Variants in COP1 observed in about 807,000 individuals in gnomAD.
COP1 encodes the protein E3 ubiquitin-protein ligase COP1.
Under a neutral mutation model 101.3 loss-of-function variants are expected in COP1, and 24 were observed. The ratio of observed to expected loss-of-function variants is 0.24; its 90% confidence interval spans 0.17 to 0.33. The LOEUF (loss-of-function observed/expected upper bound fraction) is 0.33. Ranked by LOEUF, COP1 falls within the 10% of genes least tolerant of loss-of-function variation. COP1 has a pLI of 1.00. For synonymous variants in COP1, 347 were observed against 341.9 expected, an observed-to-expected ratio of 1.01 and a Z score of -0.17; for missense variants, 663 against 906.2, an observed-to-expected ratio of 0.73 and a Z score of 3.45.
intron 18 of COP1, among the ~76,000 whole-genome samples, chr1:175,967,898 C>A: frequency 6.6e-6 from 1 of 151,966 alleles, no homozygotes; most frequent in East Asian, 1.9e-4. Context: ...GATGGAGTCT[C>A]GCACCGTCAC....
At chr1:176,001,539 A>G (rs577105562) in intron 15 of COP1, among the ~76,000 whole-genome samples, 1 of 152,262 alleles carries the variant, frequency 6.6e-6, no homozygotes, top group Non-Finnish European at 1.5e-5. Context: ...ATTTCGTGGC[A>G]AAGTTATCTC....
chr1:175,992,017 T>C (rs773365365), intron 15 of COP1, among the ~76,000 whole-genome samples: 1 of 152,232 alleles, frequency 6.6e-6, no homozygotes, highest in Non-Finnish European at 1.5e-5. Flanking sequence ...TATAGTTATT[T>C]ATTATCTTTA....
intron 18 of COP1, among the ~76,000 whole-genome samples, chr1:175,958,799 C>T (rs970029523): frequency 9.9e-5 from 15 of 151,918 alleles, no homozygotes; most frequent in South Asian, 2.1e-4. Context: ...AAGCAAGAAT[C>T]ATCCTACAGG....
intron 11 of COP1, among the ~76,000 whole-genome samples, chr1:176,074,832 T>C (rs1241839838): frequency 2.6e-5 from 4 of 151,610 alleles, no homozygotes; most frequent in Non-Finnish European, 4.4e-5. Context: ...TATAGTCACA[T>C]AACTACAGGT....
intron 9 of COP1, among the ~76,000 whole-genome samples, chr1:176,114,726 C>T (rs1393209260): frequency 6.6e-6 from 1 of 151,956 alleles, no homozygotes; most frequent in Non-Finnish European, 1.5e-5. Flanking sequence ...TAGCTGAAAC[C>T]ACAAGCACAT....
Position 176,006,887 on chromosome 1 carries a change from C to A in COP1, c.1730-17408G>T, listed in dbSNP as rs577918669. The stretch of plus-strand genomic sequence containing the variant: ...GTTCTCTGTATTTCCTGAATCTGAA[C>A]GTTGGCCTGCCTTGCTAGATTGGGG... On this transcript the variant is annotated intron_variant, in intron 15 of 19. Transcript: ENST00000367669. 1.4e-3 allele frequency among the ~76,000 whole-genome samples: 209 copies of A among 151,524 alleles called. 3 individuals are homozygous for A. The highest frequency in any genetic ancestry group is 4.5e-3 in the African/African-American group (185 of 41,056).
At chr1:176,114,578 CT>C (rs1174451294) in intron 9 of COP1, among the ~76,000 whole-genome samples, 1 of 145,136 alleles carries the variant, frequency 6.9e-6, no homozygotes, top group Non-Finnish European at 1.5e-5. Context: ...TAGGGTAATT[CT>C]TTTTTTTGCG....
chr1:176,129,172 T>A (rs1404696446), intron 8 of COP1, among the ~76,000 whole-genome samples: 1 of 151,862 alleles, frequency 6.6e-6, no homozygotes, highest in African/African-American at 2.4e-5. Flanking sequence ...ATCCTACATA[T>A]ATATTTTTAA....
At chr1:176,184,389 T>A (rs138270969) in intron 2 of COP1, among the ~76,000 whole-genome samples, 1 of 152,152 alleles carries the variant, frequency 6.6e-6, no homozygotes, top group Non-Finnish European at 1.5e-5. Flanking sequence ...TAACAATTAA[T>A]AAACGCAGAA....
At chr1:176,148,415 A>G (rs1350717148) in intron 6 of COP1, among the ~76,000 whole-genome samples, 1 of 151,946 alleles carries the variant, frequency 6.6e-6, no homozygotes, top group African/African-American at 2.4e-5. Context: ...AAAAGTTTTC[A>G]AAGTTATTTT....
intron 11 of COP1, among the ~76,000 whole-genome samples, chr1:176,051,100 TAGA>T (rs1672478692): frequency 6.6e-6 from 1 of 152,172 alleles, no homozygotes; most frequent in African/African-American, 2.4e-5. Flanking sequence ...TTATAATTAG[TAGA>T]AGAGATTACA....
At chr1:176,102,675 C>T (rs937636355) in intron 9 of COP1, among the ~76,000 whole-genome samples, 2 of 152,194 alleles carry the variant, frequency 1.3e-5, no homozygotes, top group African/African-American at 4.8e-5. Context: ...GTAAGACTAA[C>T]AAATTAGCCA....
rs555950738 is a variant in COP1, at chr1:176,134,926, G to C, written c.968+84C>G. 6.5e-5 allele frequency: 62 copies of C among 954,628 alleles called. No individual in the cohort carries two copies. The South Asian group carries it at 8.1e-4, about 13-fold the overall frequency. The allele number at this position is 954,628 out of a possible 1,614,324, so 59.1% of individuals were successfully genotyped here. A position where few individuals can be genotyped will look rare whatever the true frequency, so the allele number is the denominator to read the frequency against. The stretch of plus-strand genomic sequence containing the variant: ...TAATTTCTCAGGGGTTTCATACACT[G>C]CATGGAAAAGGCTCCTAAAGGACTA... On this transcript the variant is annotated intron_variant, in intron 8 of 19. Transcript: ENST00000367669.
chr1:176,198,759 C>T (rs75261414), intron 1 of COP1, among the ~76,000 whole-genome samples: 7 of 152,062 alleles, frequency 4.6e-5, no homozygotes, highest in South Asian at 2.1e-4. Flanking sequence ...ACACTTACAA[C>T]GCAAGATGAC....
intron 1 of COP1, among the ~76,000 whole-genome samples, chr1:176,193,062 C>G (rs1158852524): frequency 6.6e-6 from 1 of 152,110 alleles, no homozygotes; most frequent in East Asian, 1.9e-4. Flanking sequence ...TTTCCCTTAA[C>G]TTCCCTTTGG....
rs1051734914 is a variant in COP1 at position 176,207,275 on chromosome 1, G to A, written c.-297C>T. On this transcript the variant is annotated 5_prime_UTR_variant, in exon 1 of 20. Transcript: ENST00000367669. ...CGGCGCGCCGTGGCCGGCCGTGCGC[G>A]CGCGCGCGAGCGGCGGAAGAGGCGG... 18 of 387,442 alleles carry A rather than the reference G, an allele frequency of 4.6e-5. No individual in the cohort carries two copies. Among genetic ancestry groups the A allele is most frequent in the African/African-American group, 3.5e-4 (17 of 48,080 alleles). 24.0% of individuals were successfully genotyped at this position (387,442 alleles called of 1,614,324 possible).
intron 14 of COP1, among the ~76,000 whole-genome samples, chr1:176,042,477 C>T (rs1269200696): frequency 2.0e-5 from 3 of 147,078 alleles, no homozygotes; most frequent in African/African-American, 7.6e-5. Context: ...GCAGGAGAAT[C>T]GCTTGAACCT....
intron 11 of COP1, among the ~76,000 whole-genome samples, chr1:176,077,421 T>C (rs1678253074): frequency 6.6e-6 from 1 of 152,176 alleles, no homozygotes; most frequent in South Asian, 2.1e-4. Context: ...TCTCAACAGA[T>C]GCAGAAAAAG....
intron 3 of COP1, among the ~76,000 whole-genome samples, chr1:176,171,880 G>T (rs1013347730): frequency 1.8e-4 from 27 of 152,182 alleles, no homozygotes; most frequent in African/African-American, 6.5e-4. Flanking sequence ...GGTAATGAAT[G>T]AAATTTCTGG....
Sources: allele counts gnomAD v4.1 joint callset (sites outside exome capture counted in the v4.1 genomes callset), GRCh38; gene constraint gnomAD v4.1.1; transcripts MANE v1.5; gene names NCBI Gene and HGNC (gene_info 2026-07-23, HGNC 2026-07-21).